The following SUFU variants were observed in gnomAD, a reference collection of about 807,000 sequenced individuals.
The protein encoded by SUFU is suppressor of fused homolog.
Under a neutral mutation model 58.9 loss-of-function variants are expected in SUFU, and 7 were observed. The ratio of observed to expected loss-of-function variants is 0.12; its 90% CI spans 0.07 to 0.22. The LOEUF (loss-of-function observed/expected upper bound fraction) is 0.22, where lower values mean the gene tolerates loss of function less well. SUFU is among the 10% of genes least tolerant of loss of function. SUFU has a pLI of 1.00. For missense variants in SUFU, 451 were observed against 641.3 expected, an observed-to-expected ratio of 0.70 and a Z score of 3.20; for synonymous variants, 232 against 254.8, an observed-to-expected ratio of 0.91 and a Z score of 0.85.
intron 7 of SUFU, among the ~76,000 whole-genome samples, chr10:102,598,036 G>A (rs2063481379): frequency 6.6e-6 from 1 of 151,950 alleles, no homozygotes; most frequent in African/African-American, 2.4e-5. Context: ...TTCTTTTTTT[G>A]AAGAATAAGA....
intron 3 of SUFU, among the ~76,000 whole-genome samples, chr10:102,569,739 T>C (rs1027897601): frequency 6.6e-6 from 1 of 152,308 alleles, no homozygotes; most frequent in East Asian, 1.9e-4. Flanking sequence ...GCCTGCCTCA[T>C]GTCCGTCTCT....
At chr10:102,537,129 CTTTTTTTTTT>C (rs74317451) in intron 2 of SUFU, among the ~76,000 whole-genome samples, 1 of 119,380 alleles carries the variant, frequency 8.4e-6, no homozygotes, top group African/African-American at 3.1e-5. Flanking sequence ...TTAAATTTAC[CTTTTTTTTTT>C]TTTTTTTTTT....
chr10:102,530,565 T>C (rs1397541003), intron 2 of SUFU, among the ~76,000 whole-genome samples: 3 of 151,568 alleles, frequency 2.0e-5, no homozygotes, highest in African/African-American at 7.3e-5. Flanking sequence ...GTGGTCCTCA[T>C]GCCTCAGCCT....
At chr10:102,570,245 ATTT>A (rs2063146637) in intron 3 of SUFU, among the ~76,000 whole-genome samples, 1 of 151,532 alleles carries the variant, frequency 6.6e-6, no homozygotes, top group Non-Finnish European at 1.5e-5. Flanking sequence ...TTATTTATTT[ATTT>A]ATTTATTTAT....
At chr10:102,590,940 C>G (rs1342056333) in intron 3 of SUFU, 1 of 152,204 alleles carries the variant, frequency 6.6e-6, no homozygotes, top group African/African-American at 2.4e-5. Flanking sequence ...CTTCTCCTCT[C>G]CCCTGTATTA....
intron 3 of SUFU, among the ~76,000 whole-genome samples, chr10:102,553,194 T>G (rs903394581): frequency 1.7e-4 from 26 of 152,338 alleles, no homozygotes; most frequent in African/African-American, 6.3e-4. Flanking sequence ...ACTTTAAATT[T>G]TTTTTAGAAC....
chr10:102,562,098 A>G (rs2135775747), intron 3 of SUFU, among the ~76,000 whole-genome samples: 1 of 152,314 alleles, frequency 6.6e-6, no homozygotes, highest in South Asian at 2.1e-4. Context: ...TTTTCCAGAT[A>G]TTGACAGCAA....
intron 2 of SUFU, among the ~76,000 whole-genome samples, chr10:102,533,296 G>T (rs1363028728): frequency 6.6e-6 from 1 of 152,088 alleles, no homozygotes; most frequent in Non-Finnish European, 1.5e-5. Flanking sequence ...GCCAGGCTGG[G>T]TGCGGTGGCT....
intron 3 of SUFU, among the ~76,000 whole-genome samples, chr10:102,563,240 G>GCAC (rs2063056577): frequency 6.6e-6 from 1 of 152,154 alleles, no homozygotes; most frequent in Admixed American, 6.5e-5. Flanking sequence ...CAAATGCTAG[G>GCAC]TAAGCTGTGT....
At chr10:102,614,062 G>A (rs2063655597) in intron 8 of SUFU, among the ~76,000 whole-genome samples, 1 of 152,248 alleles carries the variant, frequency 6.6e-6, no homozygotes, top group South Asian at 2.1e-4. Flanking sequence ...GATGAAGGGT[G>A]TGAATGTCCC....
intron 2 of SUFU, among the ~76,000 whole-genome samples, chr10:102,517,497 T>G (rs1489161756): frequency 6.6e-6 from 1 of 152,112 alleles, no homozygotes. Flanking sequence ...CCTTTTGGGC[T>G]CTCCTCTTCC....
Position 102,592,736 on chromosome 10 carries a change from G to T in SUFU, c.597+12G>T, listed in dbSNP as rs200418460. ...TTACCTTCCTCCAGGTGAGGCACAG[G>T]TTGGACGCTGGCTCAAGCCTTCCTG... On this transcript the variant is annotated intron_variant, in intron 4 of 11. Transcript: ENST00000369902. The T allele has an allele frequency of 2.5e-6, 4 of 1,613,584 alleles. No individual in the cohort carries two copies. Among genetic ancestry groups the T allele is most frequent in the East Asian group, 2.2e-5 (1 of 44,900 alleles).
upstream of SUFU, among the ~76,000 whole-genome samples, chr10:102,503,004 G>C (rs574523078): frequency 2.6e-5 from 4 of 152,286 alleles, no homozygotes; most frequent in Admixed American, 1.3e-4. Flanking sequence ...GTCTTCTCGA[G>C]TACTTGTCTG....
intron 10 of SUFU, among the ~76,000 whole-genome samples, chr10:102,620,491 A>G (rs950667073): frequency 3.3e-5 from 5 of 152,212 alleles, no homozygotes; most frequent in Non-Finnish European, 7.3e-5. Flanking sequence ...CAGGTGGAGC[A>G]CAGTGGACAC....
At chr10:102,540,399 C>T (rs893897179) in intron 2 of SUFU, among the ~76,000 whole-genome samples, 1 of 152,094 alleles carries the variant, frequency 6.6e-6, no homozygotes, top group African/African-American at 2.4e-5. Flanking sequence ...GCCTGTAATC[C>T]CAGCACTTTG....
chr10:102,579,977 A>G, intron 3 of SUFU: 1 of 443,882 alleles, frequency 2.3e-6, no homozygotes, highest in Non-Finnish European at 3.0e-6. Context: ...TCTAGCCCCA[A>G]GAGCTCCTCA....
intron 9 of SUFU, among the ~76,000 whole-genome samples, chr10:102,616,378 C>T (rs2063687009): frequency 6.6e-6 from 1 of 152,210 alleles, no homozygotes; most frequent in South Asian, 2.1e-4. Context: ...TTGGGGACTC[C>T]CCACTGTCCC....
In SUFU at chr10:102,539,308, G is replaced by A. The variant is rs774187468; in HGVS notation, c.318-10662G>A. Among the ~76,000 whole-genome samples, 21 of 152,138 alleles carry A rather than the reference G, an allele frequency of 1.4e-4. 1 individual carries two copies. Among genetic ancestry groups the A allele is most frequent in the Non-Finnish European group, 2.1e-4 (14 of 68,036 alleles). ...GGATTTATCTGATGTTTCCTCATGC[G>A]TAGGATCAGTGTATGTATTTCTCCA... is the stretch of plus-strand genomic sequence containing the variant. On this transcript the variant is annotated intron_variant, in intron 2 of 11. Transcript: ENST00000369902.
chr10:102,621,550 C>T (rs1273502790), intron 10 of SUFU, among the ~76,000 whole-genome samples: 1 of 152,120 alleles, frequency 6.6e-6, no homozygotes, highest in Non-Finnish European at 1.5e-5. Flanking sequence ...GGGTGTTCTC[C>T]AGGCTGTTTT....
Sources: gnomAD v4.1 joint callset for allele counts (sites outside exome capture counted in the v4.1 genomes callset) on GRCh38, gnomAD v4.1.1 for gene constraint, MANE v1.5 for transcripts, NCBI Gene and HGNC (gene_info 2026-07-23, HGNC 2026-07-21) for gene names.